Variants in RBMS3 observed in about 807,000 individuals in gnomAD.
The protein encoded by RBMS3 is RNA-binding motif, single-stranded-interacting protein 3.
RBMS3 carries 27 observed loss-of-function variants against 66.8 expected under a neutral mutation model. The observed-to-expected ratio is 0.40, with a 90% CI of 0.30 to 0.56. The LOEUF is 0.56. Ranked by LOEUF, RBMS3 falls within the 20% of genes least tolerant of loss-of-function variation. The pLI, the probability that RBMS3 is intolerant of heterozygous loss-of-function variation, is 0.40. For synonymous variants in RBMS3, 188 were observed against 183.0 expected (o/e 1.03, Z -0.22); for missense variants, 513 against 549.5 (o/e 0.93, Z 0.66).
chr3:29,791,133 T>C (rs2056996581), intron 6 of RBMS3, among the ~76,000 whole-genome samples: 1 of 152,190 alleles, frequency 6.6e-6, no homozygotes, highest in Non-Finnish European at 1.5e-5. Flanking sequence ...TTTGTTTTTG[T>C]TTTTGTTTTT....
chr3:29,623,569 A>G (rs1026913127), intron 4 of RBMS3, among the ~76,000 whole-genome samples: 39 of 148,688 alleles, frequency 2.6e-4, no homozygotes, highest in African/African-American at 9.2e-4. Context: ...ACTCCAGCCT[A>G]GGCGACAGAG....
At chr3:29,466,951 A>C (rs2042564897) in intron 2 of RBMS3, among the ~76,000 whole-genome samples, 1 of 152,208 alleles carries the variant, frequency 6.6e-6, no homozygotes, top group Admixed American at 6.5e-5. Context: ...TTATGCACAT[A>C]AGACTGGCAT....
At chr3:29,636,241 T>C (rs1281397202) in intron 4 of RBMS3, among the ~76,000 whole-genome samples, 1 of 151,842 alleles carries the variant, frequency 6.6e-6, no homozygotes, top group Non-Finnish European at 1.5e-5. Context: ...ATAAGGGCTA[T>C]TTATTGCCAC....
intron 12 of RBMS3, among the ~76,000 whole-genome samples, chr3:29,977,161 G>A (rs1697646469): frequency 6.6e-6 from 1 of 152,034 alleles, no homozygotes; most frequent in Admixed American, 6.6e-5. Flanking sequence ...AGCTTCATCA[G>A]TTTTATAGCA....
intron 2 of RBMS3, among the ~76,000 whole-genome samples, chr3:29,452,991 G>A (rs17667213): frequency 0.091 from 13,922 of 152,172 alleles, 704 homozygotes; most frequent in Non-Finnish European, 0.12. Flanking sequence ...CATTCTGGAC[G>A]TATAGAACCT....
At chr3:29,897,867 C>T (rs759877005) in intron 9 of RBMS3, among the ~76,000 whole-genome samples, 2 of 151,642 alleles carry the variant, frequency 1.3e-5, no homozygotes, top group Non-Finnish European at 3.0e-5. Context: ...TATTTTATCA[C>T]TGTCATCTCA....
At chr3:29,504,221 A>T (rs1576037360) in intron 3 of RBMS3, among the ~76,000 whole-genome samples, 1 of 152,192 alleles carries the variant, frequency 6.6e-6, no homozygotes, top group East Asian at 1.9e-4. Flanking sequence ...GCCAGTTAGT[A>T]GGGGAAAAAA....
chr3:29,761,678 T>C (rs1411568918), intron 5 of RBMS3, among the ~76,000 whole-genome samples: 1 of 152,178 alleles, frequency 6.6e-6, no homozygotes, highest in Non-Finnish European at 1.5e-5. Flanking sequence ...CTTTGCCATG[T>C]AATATGGTCC....
intron 4 of RBMS3, among the ~76,000 whole-genome samples, chr3:29,696,766 C>A (rs1393311394): frequency 6.6e-6 from 1 of 152,036 alleles, no homozygotes; most frequent in African/African-American, 2.4e-5. Context: ...GACAAGAGCA[C>A]CTTATTAATT....
At chr3:30,000,230 G>T (rs947064534) in intron 14 of RBMS3, among the ~76,000 whole-genome samples, 1 of 151,966 alleles carries the variant, frequency 6.6e-6, no homozygotes, top group Non-Finnish European at 1.5e-5. Flanking sequence ...AGTAAACAAA[G>T]GATATGAACA....
intron 4 of RBMS3, among the ~76,000 whole-genome samples, chr3:29,597,678 C>T (rs775447718): frequency 6.6e-6 from 1 of 152,044 alleles, no homozygotes; most frequent in Non-Finnish European, 1.5e-5. Context: ...AGAGAATATT[C>T]AACTTTAGAA....
intron 4 of RBMS3, among the ~76,000 whole-genome samples, chr3:29,602,929 A>G (rs2048196694): frequency 6.6e-6 from 1 of 151,972 alleles, no homozygotes; most frequent in South Asian, 2.1e-4. Context: ...TTCCTTGGGA[A>G]AATCTTACTG....
intron 3 of RBMS3, among the ~76,000 whole-genome samples, chr3:29,491,106 C>T (rs3773030): frequency 0.17 from 26,241 of 152,024 alleles, 3,153 homozygotes; most frequent in African/African-American, 0.33. Context: ...CCTTCTATAA[C>T]TGTGAAGGTT....
Position 29,739,835 on chromosome 3 carries a change from TAAG to T in RBMS3, c.517_519del (p.Arg173del). On this transcript the variant is annotated inframe_deletion, in exon 5 of 15. Transcript: ENST00000383767. ...GGACATGTCATTTCCACAAGAATAC[TAAG>T]AGACGCTAATGGAGTCAGCAGAGGT... 6.2e-7 allele frequency: 1 copy of T among 1,612,428 alleles called. No homozygotes were observed. Among genetic ancestry groups the T allele is most frequent in the Non-Finnish European group, 8.5e-7 (1 of 1,179,324 alleles).
In RBMS3 at chr3:29,518,410, G is replaced by A. The variant is rs538400281; in HGVS notation, c.307+29911G>A. On this transcript the variant is annotated intron_variant, in intron 3 of 14. Coordinates refer to ENST00000383767, the MANE Select transcript of RBMS3 (RefSeq NM_001003793.3). Reference sequence around the variant, plus strand: ...TGTTTTAGTCAGTAAAGTAGCCAGCGCCATGTGTGGACATGTAAATAATAA... The same window carrying A: ...TGTTTTAGTCAGTAAAGTAGCCAGCACCATGTGTGGACATGTAAATAATAA... Among the ~76,000 whole-genome samples the A allele has an allele frequency of 1.2e-3, 180 of 152,256 alleles. 1 individual carries two copies. Among genetic ancestry groups the A allele is most frequent in the Middle Eastern group, 6.8e-3 (2 of 294 alleles).
rs114552997 is a variant in RBMS3 at position 29,382,193 on chromosome 3, G to A, written c.76-52550G>A. 5.6e-3 allele frequency among the ~76,000 whole-genome samples: 856 copies of A among 152,222 alleles called. 4 individuals carry two copies. Among genetic ancestry groups the A allele is most frequent in the African/African-American group, 0.02 (817 of 41,536 alleles). ...GTAAAATGTGGAATTTTTGAAAGAC[G>A]TTTAGTTCCCATGTTGTCTTAGTCA... On this transcript the variant is annotated intron_variant, in intron 1 of 14. Transcript: ENST00000383767.
At chr3:29,915,774 T>A (rs899569102) in intron 10 of RBMS3, among the ~76,000 whole-genome samples, 11 of 151,996 alleles carry the variant, frequency 7.2e-5, no homozygotes, top group Non-Finnish European at 1.3e-4. Context: ...ATTACTGACA[T>A]CTGAACCAGT....
At chr3:29,353,259 T>C (rs1377600516) in intron 1 of RBMS3, among the ~76,000 whole-genome samples, 1 of 151,978 alleles carries the variant, frequency 6.6e-6, no homozygotes, top group African/African-American at 2.4e-5. Context: ...TTTTATTATG[T>C]TCTTCATTAT....
chr3:29,909,100 C>CG (rs1044944884), intron 10 of RBMS3, among the ~76,000 whole-genome samples: 2 of 151,968 alleles, frequency 1.3e-5, no homozygotes, highest in Admixed American at 6.6e-5. Flanking sequence ...AAGGGGACTA[C>CG]GGGGGGAGCA....
Sources: gnomAD v4.1 joint callset for allele counts (sites outside exome capture counted in the v4.1 genomes callset) on GRCh38, gnomAD v4.1.1 for gene constraint, MANE v1.5 for transcripts, NCBI Gene and HGNC (gene_info 2026-07-23, HGNC 2026-07-21) for gene names.